RAPGEF6: variants seen among roughly 807,000 people sequenced by gnomAD.
The protein encoded by RAPGEF6 is PDZ domain containing guanine nucleotide exchange factor (GEF) 2.
In RAPGEF6, 56 loss-of-function variants were observed where a neutral mutation model predicts 171.4. The observed-to-expected ratio is 0.33, with a 90% CI of 0.26 to 0.41. The LOEUF is 0.41. Among genes scored for constraint, RAPGEF6 ranks in the 10% least tolerant of loss-of-function variants. The probability of loss-of-function intolerance (pLI) is 1.00; values close to 1 mark genes in which losing one functional copy is unlikely to be tolerated. For missense variants in RAPGEF6, 1,674 were observed against 1,921.4 expected (o/e 0.87, Z 2.41); for synonymous variants, 692 against 650.1 (o/e 1.06, Z -0.98).
intron 21 of RAPGEF6, chr5:131,446,917 G>A: frequency 5.8e-6 from 3 of 512,930 alleles, no homozygotes; most frequent in Non-Finnish European, 6.9e-6. Flanking sequence ...AAAAGAATAG[G>A]ATAACAATGG....
At chr5:131,451,009 T>G (rs1753029060) in intron 21 of RAPGEF6, among the ~76,000 whole-genome samples, 1 of 152,170 alleles carries the variant, frequency 6.6e-6, no homozygotes. Flanking sequence ...TTAACATGTG[T>G]AAGTAAATAG....
chr5:131,443,961 C>A (rs904519304), intron 22 of RAPGEF6, among the ~76,000 whole-genome samples: 6 of 152,264 alleles, frequency 3.9e-5, no homozygotes, highest in Admixed American at 3.9e-4. Flanking sequence ...AAACTGAGAA[C>A]CCTTACTTAT....
intron 6 of RAPGEF6, among the ~76,000 whole-genome samples, chr5:131,540,521 A>T (rs925959933): frequency 6.6e-6 from 1 of 152,220 alleles, no homozygotes; most frequent in African/African-American, 2.4e-5. Context: ...ATGATCGCAT[A>T]ACTGCATTTC....
intron 4 of RAPGEF6, among the ~76,000 whole-genome samples, chr5:131,588,322 C>G (rs1763381613): frequency 6.6e-6 from 1 of 152,142 alleles, no homozygotes; most frequent in African/African-American, 2.4e-5. Context: ...GTGACTGATT[C>G]CAATTAGCAG....
Position 131,424,392 on chromosome 5 carries a change from T to C in RAPGEF6, c.*2874A>G, listed in dbSNP as rs1160041963. On this transcript the variant is annotated 3_prime_UTR_variant, in exon 28 of 28. Coordinates refer to ENST00000509018, the MANE Select transcript of RAPGEF6 (RefSeq NM_016340.6). ...TATCCCGTTTTTCTAGCCTTTAAGG[T>C]AATGCTGAAGGAATACATATACTTT... 1 of 152,382 alleles carries C rather than the reference T, an allele frequency of 6.6e-6. No individual in the cohort carries two copies. The highest frequency in any genetic ancestry group is 1.5e-5 in the Non-Finnish European group (1 of 68,044). 9.4% of individuals were successfully genotyped at this position (152,382 alleles called of 1,614,324 possible). A position where few individuals can be genotyped will look rare whatever the true frequency, so the allele number is the denominator to read the frequency against.
At chr5:131,616,517 A>C (rs1049028752) in intron 1 of RAPGEF6, among the ~76,000 whole-genome samples, 1 of 152,214 alleles carries the variant, frequency 6.6e-6, no homozygotes, top group African/African-American at 2.4e-5. Flanking sequence ...GTGTTTAGAA[A>C]ATCAACCAAA....
intron 21 of RAPGEF6, among the ~76,000 whole-genome samples, chr5:131,448,148 C>T (rs113182878): frequency 0.017 from 2,597 of 152,198 alleles, 44 homozygotes; most frequent in Admixed American, 0.029. Context: ...TGGTGCATTA[C>T]CAACACACTG....
chr5:131,556,717 G>A (rs1356989699), intron 5 of RAPGEF6, among the ~76,000 whole-genome samples: 3 of 151,864 alleles, frequency 2.0e-5, no homozygotes, highest in Non-Finnish European at 4.4e-5. Flanking sequence ...AGTTCTCCTT[G>A]CTTTTTTTAT....
At chr5:131,541,592 G>C (rs2149939810) in intron 6 of RAPGEF6, among the ~76,000 whole-genome samples, 1 of 151,726 alleles carries the variant, frequency 6.6e-6, no homozygotes, top group African/African-American at 2.4e-5. Flanking sequence ...CCTGGCTTCA[G>C]GTGATTCTTC....
chr5:131,554,394 T>C (rs10065412), intron 5 of RAPGEF6, among the ~76,000 whole-genome samples: 14,337 of 152,192 alleles, frequency 0.094, 1,527 homozygotes, highest in African/African-American at 0.27. Flanking sequence ...AAATACGTGG[T>C]TAAATAGGAA....
intron 15 of RAPGEF6, among the ~76,000 whole-genome samples, chr5:131,483,302 T>G (rs947465677): frequency 1.4e-5 from 2 of 143,190 alleles, no homozygotes; most frequent in African/African-American, 5.3e-5. Context: ...TGAGCCGAGA[T>G]CGAGCCACTG....
intron 3 of RAPGEF6, among the ~76,000 whole-genome samples, chr5:131,601,184 G>C (rs895561614): frequency 6.6e-6 from 1 of 151,480 alleles, no homozygotes; most frequent in Admixed American, 6.6e-5. Context: ...ACGAGTTCAA[G>C]ACCAGCCTGA....
Position 131,548,197 on chromosome 5 carries a change from C to T in RAPGEF6, c.352-7G>A, listed in dbSNP as rs1303499001. ...TATCTTTGGCATTCTCTACCTGAAACACATGTTCATATTCCTGATGAAATA... is the reference window on the plus strand; with the variant it reads ...TATCTTTGGCATTCTCTACCTGAAATACATGTTCATATTCCTGATGAAATA... On this transcript the variant is annotated splice_region_variant and splice_polypyrimidine_tract_variant and intron_variant, in intron 5 of 27. Coordinates refer to ENST00000509018, the MANE Select transcript of RAPGEF6 (RefSeq NM_016340.6). The T allele has an allele frequency of 1.2e-6, 2 of 1,613,080 alleles. No individual in the cohort carries two copies. The highest frequency in any genetic ancestry group is 1.7e-6 in the Non-Finnish European group (2 of 1,179,458).
chr5:131,554,428 T>G (rs1182622817), intron 5 of RAPGEF6, among the ~76,000 whole-genome samples: 1 of 152,192 alleles, frequency 6.6e-6, no homozygotes, highest in Non-Finnish European at 1.5e-5. Context: ...ACAGAATACA[T>G]AAAGCTAAAA....
intron 24 of RAPGEF6, 29 bp downstream of exon 24, chr5:131,439,552 A>G: frequency 1.3e-6 from 2 of 1,583,732 alleles, no homozygotes; most frequent in Non-Finnish European, 8.6e-7. Flanking sequence ...TTAGTTTAAC[A>G]AGAACTAGTT....
intron 3 of RAPGEF6, among the ~76,000 whole-genome samples, chr5:131,593,329 T>A (rs950214216): frequency 6.6e-6 from 1 of 152,248 alleles, no homozygotes; most frequent in African/African-American, 2.4e-5. Flanking sequence ...TCATTCTTAT[T>A]CTTCACAACA....
chr5:131,455,994 A>G lies in RAPGEF6; in HGVS notation c.2883T>C (p.Ser961=). ...CCCAAGTTCCTCTGAGTCTTGCTAC[A>G]GATGCCAGGTTCAAGCCACTGCCAA... ...FAIISGLNLA[S]VARLRGTWEK... Residue 961 remains serine, a synonymous_variant, in exon 20 of 28, where the codon TCT becomes TCC. Coordinates refer to ENST00000509018, the MANE Select transcript of RAPGEF6 (RefSeq NM_016340.6). 7.4e-6 allele frequency: 12 copies of G among 1,614,108 alleles called. No individual in the cohort carries two copies. Among genetic ancestry groups the G allele is most frequent in the Non-Finnish European group, 1.0e-5 (12 of 1,179,998 alleles).
intron 15 of RAPGEF6, among the ~76,000 whole-genome samples, chr5:131,484,540 G>T (rs1359254931): frequency 1.3e-5 from 2 of 152,122 alleles, no homozygotes; most frequent in African/African-American, 4.8e-5. Flanking sequence ...ACTGATGAAT[G>T]AAGCATAGAT....
intron 6 of RAPGEF6, among the ~76,000 whole-genome samples, chr5:131,521,840 T>TACACACACACACACAC (rs3992018): frequency 2.7e-4 from 26 of 97,252 alleles, no homozygotes; most frequent in African/African-American, 4.7e-4. Flanking sequence ...AATGTTACCC[T>TACACACACACACACAC]ACACACACAC....
Sources: gnomAD v4.1 joint callset for allele counts (sites outside exome capture counted in the v4.1 genomes callset) on GRCh38, gnomAD v4.1.1 for gene constraint, MANE v1.5 for transcripts, NCBI Gene and HGNC (gene_info 2026-07-23, HGNC 2026-07-21) for gene names.